Variants in SCN3A observed in about 807,000 individuals in gnomAD.
SCN3A encodes the protein sodium voltage-gated channel alpha subunit 3.
Under a neutral mutation model 187.6 loss-of-function variants are expected in SCN3A, and 60 were observed. The observed-to-expected ratio is 0.32, with a 90% CI of 0.26 to 0.40. SCN3A has a LOEUF of 0.40. SCN3A is among the 10% of genes least tolerant of loss of function. SCN3A has a pLI of 1.00. For synonymous variants in SCN3A, 788 were observed against 829.2 expected (o/e 0.95, Z 0.85); for missense variants, 1,601 against 2,428.2 (o/e 0.66, Z 7.16).
chr2:165,128,424 A>G (rs912792630), intron 17 of SCN3A, among the ~76,000 whole-genome samples: 2 of 141,134 alleles, frequency 1.4e-5, no homozygotes, highest in African/African-American at 2.5e-5. Context: ...GGATTCTGCC[A>G]ACGAGAGAGA....
rs539175155 is a variant in SCN3A, at chr2:165,156,385, T to C, written c.1032-482A>G. Among the ~76,000 whole-genome samples the C allele has an allele frequency of 2.5e-3, 374 of 150,022 alleles. 2 individuals are homozygous for C. The highest frequency in any genetic ancestry group is 5.6e-3 in the Admixed American group (84 of 15,060). On this transcript the variant is annotated intron_variant, in intron 9 of 27. Coordinates refer to ENST00000283254, the MANE Select transcript of SCN3A (RefSeq NM_006922.4). ...ACAATTAGCTGGGCGTTGTGGTGGG[T>C]GCCTGTAGTCCCAGCTACTCGGGAG...
At chr2:165,104,302 GAAATA>G (rs1178489032) in intron 21 of SCN3A, among the ~76,000 whole-genome samples, 3 of 151,982 alleles carry the variant, frequency 2.0e-5, no homozygotes, top group Non-Finnish European at 2.9e-5. Flanking sequence ...AAGAATGAAT[GAAATA>G]AAATAAAGCT....
In SCN3A at chr2:165,097,189, G is replaced by A. The variant is rs187630657; in HGVS notation, c.4239+63C>T. ...TTAGTCATTCAAACGAAGAACATCA[G>A]GGAAATAATCTTCCTTGAAACATCT... On this transcript the variant is annotated intron_variant, in intron 23 of 27. Coordinates refer to ENST00000283254, the MANE Select transcript of SCN3A (RefSeq NM_006922.4). The A allele has an allele frequency of 1.1e-5, 17 of 1,584,654 alleles. No homozygotes were observed. In the East Asian group the frequency reaches 1.8e-4, roughly 17 times the overall value.
intron 3 of SCN3A, among the ~76,000 whole-genome samples, chr2:165,173,142 A>G (rs888773206): frequency 6.6e-6 from 1 of 152,332 alleles, no homozygotes; most frequent in South Asian, 2.1e-4. Context: ...TAAGTTTACT[A>G]AAAGTTTTAC....
At chr2:165,126,777 A>T (rs1293770413) in intron 18 of SCN3A, among the ~76,000 whole-genome samples, 1 of 152,084 alleles carries the variant, frequency 6.6e-6, no homozygotes, top group Non-Finnish European at 1.5e-5. Context: ...AGTAGTTCTT[A>T]GTATTTTCAA....
chr2:165,139,790 T>C (rs1390030880), intron 13 of SCN3A, 182 bp from the exon 14 acceptor site: 2 of 650,344 alleles, frequency 3.1e-6, no homozygotes, highest in African/African-American at 3.7e-5. Context: ...TTATCACAGG[T>C]AGTACTCTTT....
intron 1 of SCN3A, among the ~76,000 whole-genome samples, chr2:165,189,394 A>G (rs546184789): frequency 6.6e-6 from 1 of 152,322 alleles, no homozygotes; most frequent in East Asian, 1.9e-4. Context: ...AGATGACCTA[A>G]TACATTTATT....
intron 15 of SCN3A, among the ~76,000 whole-genome samples, chr2:165,136,081 T>C (rs893237072): frequency 6.6e-6 from 1 of 152,150 alleles, no homozygotes. Context: ...GAAAATAGAC[T>C]CAAGGATCTA....
intron 22 of SCN3A, among the ~76,000 whole-genome samples, chr2:165,098,784 T>C (rs1685474694): frequency 6.6e-6 from 1 of 152,336 alleles, no homozygotes; most frequent in South Asian, 2.1e-4. Context: ...AATTGTGCTA[T>C]ATGACTGAAT....
At chr2:165,155,738 T>TA in intron 10 of SCN3A, 24 bp downstream of exon 10, 1 of 1,613,502 alleles carries the variant, frequency 6.2e-7, no homozygotes, top group Non-Finnish European at 8.5e-7. Context: ...AAATAAATGT[T>TA]ATGCATGCTC....
chr2:165,197,586 GTT>G (rs544679569), intron 1 of SCN3A, among the ~76,000 whole-genome samples: 6 of 140,292 alleles, frequency 4.3e-5, no homozygotes, highest in African/African-American at 7.7e-5. Flanking sequence ...CTTTAGCTGT[GTT>G]TTTTTTTTTT....
chr2:165,114,778 A>C (rs918507496), intron 19 of SCN3A, among the ~76,000 whole-genome samples: 1 of 152,180 alleles, frequency 6.6e-6, no homozygotes, highest in African/African-American at 2.4e-5. Flanking sequence ...AGCATCTATA[A>C]ATCAAATCAC....
intron 22 of SCN3A, among the ~76,000 whole-genome samples, chr2:165,099,296 T>C (rs192334043): frequency 2.0e-5 from 3 of 152,324 alleles, no homozygotes; most frequent in Admixed American, 2.0e-4. Context: ...GTGGTATCTA[T>C]AATAAAGTGT....
chr2:165,126,482 CTTCTT>C (rs911489292), intron 18 of SCN3A, among the ~76,000 whole-genome samples: 9 of 137,988 alleles, frequency 6.5e-5, no homozygotes, highest in Non-Finnish European at 1.4e-4. Context: ...TTATTTCTTC[CTTCTT>C]TTCTTTCTTT....
chr2:165,136,406 C>T (rs1486632463), intron 15 of SCN3A, among the ~76,000 whole-genome samples: 2 of 152,144 alleles, frequency 1.3e-5, no homozygotes, highest in East Asian at 3.8e-4. Flanking sequence ...AGGAAGGAAA[C>T]TGTTTATTGA....
At chr2:165,108,583 C>T (rs928022772) in intron 21 of SCN3A, among the ~76,000 whole-genome samples, 2 of 152,002 alleles carry the variant, frequency 1.3e-5, no homozygotes, top group Non-Finnish European at 2.9e-5. Context: ...TAGAATCAAA[C>T]GAAGTTTTTA....
chr2:165,173,642 A>T (rs1352622504), intron 3 of SCN3A, among the ~76,000 whole-genome samples: 1 of 152,208 alleles, frequency 6.6e-6, no homozygotes, highest in Non-Finnish European at 1.5e-5. Context: ...GATGGTAAAG[A>T]GTTACATAAT....
intron 12 of SCN3A, among the ~76,000 whole-genome samples, chr2:165,145,453 T>A (rs989594189): frequency 6.6e-6 from 1 of 152,132 alleles, no homozygotes; most frequent in Non-Finnish European, 1.5e-5. Context: ...GATATTGATG[T>A]TATCTGCAGA....
chr2:165,166,586 A>G lies in SCN3A; in HGVS notation c.474-2066T>C, dbSNP rs74503104. Among the ~76,000 whole-genome samples, 1,168 of 152,314 alleles carry G rather than the reference A, an allele frequency of 7.7e-3. 15 individuals are homozygous for G. Among genetic ancestry groups the G allele is most frequent in the African/African-American group, 0.026 (1,094 of 41,564 alleles). ...TATAACATTCCCCTCACTATATAAT[A>G]TGGTTTTGTGTATGCCACATCTTTG... On this transcript the variant is annotated intron_variant, in intron 5 of 27. Transcript: ENST00000283254.
Sources: gnomAD v4.1 joint callset for allele counts (sites outside exome capture counted in the v4.1 genomes callset) on GRCh38, gnomAD v4.1.1 for gene constraint, MANE v1.5 for transcripts, NCBI Gene and HGNC (gene_info 2026-07-23, HGNC 2026-07-21) for gene names.